Variants in HS6ST3 observed in about 807,000 individuals in gnomAD.
HS6ST3 encodes heparan-sulfate 6-O-sulfotransferase 3.
HS6ST3 carries 12 observed loss-of-function variants against 36.7 expected under a neutral mutation model. The observed-to-expected ratio is 0.33, with a 90% confidence interval of 0.21 to 0.53. HS6ST3 has a LOEUF of 0.53. Among genes scored for constraint, HS6ST3 ranks in the 20% least tolerant of loss-of-function variants. The pLI, the probability that HS6ST3 is intolerant of heterozygous loss-of-function variation, is 0.95. For missense variants in HS6ST3, 584 were observed against 640.9 expected, an observed-to-expected ratio of 0.91 and a Z score of 0.96; for synonymous variants, 240 against 257.5, an observed-to-expected ratio of 0.93 and a Z score of 0.65.
intron 1 of HS6ST3, among the ~76,000 whole-genome samples, chr13:96,817,637 C>CCTTTTT (rs1878449141): frequency 6.6e-6 from 1 of 152,134 alleles, no homozygotes; most frequent in Non-Finnish European, 1.5e-5. Flanking sequence ...CCCCTCCCCA[C>CCTTTTT]CTTTTTCTTT....
chr13:96,472,547 G>T, intron 1 of HS6ST3, among the ~76,000 whole-genome samples: 1 of 152,220 alleles, frequency 6.6e-6, no homozygotes, highest in East Asian at 1.9e-4. Context: ...GCCCTCCTCT[G>T]TGCTTCTTGG....
chr13:96,778,819 G>A (rs1455752222), intron 1 of HS6ST3, among the ~76,000 whole-genome samples: 1 of 152,104 alleles, frequency 6.6e-6, no homozygotes, highest in Non-Finnish European at 1.5e-5. Flanking sequence ...CTATTACTGG[G>A]TATCTACCCA....
At chr13:96,098,428 G>T (rs954212238) in intron 1 of HS6ST3, among the ~76,000 whole-genome samples, 2 of 152,152 alleles carry the variant, frequency 1.3e-5, no homozygotes, top group Admixed American at 1.3e-4. Context: ...TTAGGAAAAA[G>T]ACTTCAAGAG....
At chr13:96,645,383 C>T (rs978047320) in intron 1 of HS6ST3, among the ~76,000 whole-genome samples, 1 of 150,876 alleles carries the variant, frequency 6.6e-6, no homozygotes, top group Non-Finnish European at 1.5e-5. Flanking sequence ...ACATTAAGGC[C>T]CAGAGAGTCT....
intron 1 of HS6ST3, among the ~76,000 whole-genome samples, chr13:96,807,370 T>C (rs1878219324): frequency 6.6e-6 from 1 of 152,110 alleles, no homozygotes; most frequent in East Asian, 1.9e-4. Context: ...ACAATTGTTG[T>C]AGGTAATTAG....
intron 1 of HS6ST3, among the ~76,000 whole-genome samples, chr13:96,607,343 T>C (rs981248480): frequency 6.6e-6 from 1 of 152,212 alleles, no homozygotes; most frequent in South Asian, 2.1e-4. Flanking sequence ...ATGGATTTTA[T>C]TTCCAGAAAA....
At chr13:96,194,584 G>A (rs2054303418) in intron 1 of HS6ST3, among the ~76,000 whole-genome samples, 2 of 152,056 alleles carry the variant, frequency 1.3e-5, no homozygotes, top group African/African-American at 4.8e-5. Flanking sequence ...TAACACATCT[G>A]CCACCTCACA....
intron 1 of HS6ST3, among the ~76,000 whole-genome samples, chr13:96,188,240 T>C (rs989625963): frequency 6.6e-6 from 1 of 152,192 alleles, no homozygotes; most frequent in East Asian, 1.9e-4. Context: ...GGCTATAGTT[T>C]AGTAAGTATG....
intron 1 of HS6ST3, among the ~76,000 whole-genome samples, chr13:96,713,407 A>T (rs1875611011): frequency 6.6e-6 from 1 of 152,196 alleles, no homozygotes; most frequent in South Asian, 2.1e-4. Flanking sequence ...GTAAATATAG[A>T]TTCAGAGATG....
chr13:96,348,418 A>G (rs2055166212), intron 1 of HS6ST3, among the ~76,000 whole-genome samples: 1 of 152,216 alleles, frequency 6.6e-6, no homozygotes, highest in African/African-American at 2.4e-5. Context: ...AAGGTGCCTC[A>G]AAGTACTTCA....
chr13:96,669,281 G>C (rs2056675436), intron 1 of HS6ST3, among the ~76,000 whole-genome samples: 1 of 152,200 alleles, frequency 6.6e-6, no homozygotes, highest in African/African-American at 2.4e-5. Flanking sequence ...TGTGTTGCCA[G>C]AGAGTGGTGG....
intron 1 of HS6ST3, among the ~76,000 whole-genome samples, chr13:96,796,379 CAAT>C (rs2138523843): frequency 6.6e-6 from 1 of 152,108 alleles, no homozygotes; most frequent in Admixed American, 6.6e-5. Flanking sequence ...GCAAATAAAA[CAAT>C]AATTCAAAGG....
chr13:96,221,891 A>C (rs946167580), intron 1 of HS6ST3, among the ~76,000 whole-genome samples: 5 of 152,236 alleles, frequency 3.3e-5, no homozygotes, highest in Non-Finnish European at 7.3e-5. Context: ...ACTGAAAAAT[A>C]TTATATCTTC....
chr13:96,583,787 C>A (rs2138970709), intron 1 of HS6ST3, among the ~76,000 whole-genome samples: 1 of 152,262 alleles, frequency 6.6e-6, no homozygotes, highest in East Asian at 1.9e-4. Flanking sequence ...AATGAGACCT[C>A]CTTAGAGAGG....
chr13:96,362,030 A>G (rs1186359281), intron 1 of HS6ST3, among the ~76,000 whole-genome samples: 2 of 152,172 alleles, frequency 1.3e-5, no homozygotes, highest in African/African-American at 4.8e-5. Flanking sequence ...CGTGATCCTG[A>G]TGCAGCTCAA....
chr13:96,355,067 G>T (rs1229976245), intron 1 of HS6ST3, among the ~76,000 whole-genome samples: 1 of 152,082 alleles, frequency 6.6e-6, no homozygotes, highest in Non-Finnish European at 1.5e-5. Context: ...GATATAAATG[G>T]TCAAATTTAG....
At chr13:96,515,296 C>T (rs374219368) in intron 1 of HS6ST3, among the ~76,000 whole-genome samples, 1 of 152,142 alleles carries the variant, frequency 6.6e-6, no homozygotes, top group African/African-American at 2.4e-5. Context: ...TTGAATGAGT[C>T]CACAGTACAC....
intron 1 of HS6ST3, among the ~76,000 whole-genome samples, chr13:96,395,929 A>G (rs756867071): frequency 4.6e-5 from 7 of 152,162 alleles, no homozygotes; most frequent in Non-Finnish European, 1.0e-4. Flanking sequence ...GAATGAAATA[A>G]TCTTCCACTT....
chr13:96,310,788 G>T (rs1480520206), intron 1 of HS6ST3, among the ~76,000 whole-genome samples: 1 of 151,986 alleles, frequency 6.6e-6, no homozygotes, highest in Admixed American at 6.6e-5. Flanking sequence ...ATTTTTTTGG[G>T]TTCTTCTCTT....
Sources: allele counts gnomAD v4.1 joint callset (sites outside exome capture counted in the v4.1 genomes callset), GRCh38; gene constraint gnomAD v4.1.1; transcripts MANE v1.5; gene names NCBI Gene and HGNC (gene_info 2026-07-23, HGNC 2026-07-21).